ST6GALNAC6: variants seen among roughly 807,000 people sequenced by gnomAD.
The protein encoded by ST6GALNAC6 is alpha-N-acetylgalactosaminide alpha-2,6-sialyltransferase 6.
A neutral mutation model predicts 34.3 loss-of-function variants in ST6GALNAC6; 19 were observed. That is an observed-to-expected ratio of 0.55 (90% CI 0.39 to 0.81). The LOEUF (loss-of-function observed/expected upper bound fraction) is 0.81. Ranked by LOEUF, ST6GALNAC6 falls within the 40% of genes least tolerant of loss-of-function variation. The pLI, the probability that ST6GALNAC6 is intolerant of heterozygous loss-of-function variation, is 0.00. For synonymous variants in ST6GALNAC6, 185 were observed against 182.1 expected, an observed-to-expected ratio of 1.02 and a Z score of -0.13; for missense variants, 377 against 467.7, an observed-to-expected ratio of 0.81 and a Z score of 1.79.
chr9:127,889,669 T>C (rs1024934040), intron 5 of ST6GALNAC6, among the ~76,000 whole-genome samples: 6 of 151,952 alleles, frequency 3.9e-5, no homozygotes, highest in African/African-American at 1.5e-4. Flanking sequence ...GGTCTCAAAC[T>C]CCTGACCTCG....
exon 1 of ST6GALNAC6, chr9:127,905,238 A>G (rs1347487091): frequency 1.0e-6 from 1 of 985,382 alleles, no homozygotes; most frequent in African/African-American, 1.7e-5. Context: ...GCTGTGGCAA[A>G]AGCAGAGAGT....
Position 127,890,707 on chromosome 9 carries a change from C to A in ST6GALNAC6, c.634G>T (p.Ala212Ser). The change falls in exon 5 of 7, where the codon GCA (alanine) becomes TCA (serine). Residue 212 changes from alanine (A) to serine (S), a missense_variant. Coordinates refer to ENST00000373146, the MANE Select transcript of ST6GALNAC6 (RefSeq NM_013443.5). This position sits in a 1 kb window ranked among gnomAD's most constrained non-coding sequence, Gnocchi z 4.3. ...RAGLVFPNME[A>S]YAVSPGRMRQ... ...ATGCGGCCGGGAGAGACGGCATATG[C>A]TTCCATGTTGGGGAACACCAGGCCC... 6.2e-7 allele frequency: 1 copy of A among 1,613,730 alleles called. No homozygotes were observed. Among genetic ancestry groups the A allele is most frequent in the African/African-American group, 1.3e-5 (1 of 75,066 alleles).
rs1830614279 is a variant in ST6GALNAC6, at chr9:127,898,688, CAAA to C, written c.-29-681_-29-679del. On this transcript the variant is annotated intron_variant, in intron 1 of 6. Coordinates refer to ENST00000373146, the MANE Select transcript of ST6GALNAC6 (RefSeq NM_013443.5). ...ATAAGGAGACTGAGGTTCAGAGAGG[CAAA>C]GCGCCTTGCGGGGCCGCCCAGAGCC... is the stretch of plus-strand genomic sequence containing the variant. 2.6e-5 allele frequency among the ~76,000 whole-genome samples: 4 copies of C among 152,384 alleles called. No individual in the cohort carries two copies. In the South Asian group the frequency reaches 8.3e-4, roughly 32 times the overall value.
At position 127,886,563 on chromosome 9, in the gene ST6GALNAC6, C is replaced by G; in HGVS notation, c.*36G>C. 1 of 1,611,706 alleles carries G rather than the reference C, an allele frequency of 6.2e-7. No individual in the cohort carries two copies. Among genetic ancestry groups the G allele is most frequent in the Non-Finnish European group, 8.5e-7 (1 of 1,178,682 alleles). ...TAGCGGCTGGGCGGAGGCTGCTTCT[C>G]CTCTGACCCTCCTGAGGTCCCACAG... On this transcript the variant is annotated 3_prime_UTR_variant, in exon 7 of 7. Transcript: ENST00000373146.
In ST6GALNAC6 at chr9:127,886,738, C is replaced by T; in HGVS notation, c.863G>A (p.Gly288Glu). ...GATGTAGGTGACACATTCGTCCGGC[C>T]CCTTGGGCTCGTAGTAGTGGTAGGG... is the stretch of plus-strand genomic sequence containing the variant. ...RMPYHYYEPK[G>E]PDECVTYIQN... Residue 288 changes from glycine (G) to glutamate (E), a missense_variant, in exon 7 of 7, where the codon GGG becomes GAG. Physicochemically the swap from Gly to Glu is moderately conservative, Grantham distance 98. Coordinates refer to ENST00000373146, the MANE Select transcript of ST6GALNAC6 (RefSeq NM_013443.5). 2 of 1,613,406 alleles carry T rather than the reference C, an allele frequency of 1.2e-6. No homozygotes were observed. The highest frequency in any genetic ancestry group is 1.7e-6 in the Non-Finnish European group (2 of 1,179,500).
intron 2 of ST6GALNAC6, chr9:127,897,748 G>A (rs1220492717): frequency 2.7e-5 from 34 of 1,257,588 alleles, no homozygotes; most frequent in Non-Finnish European, 3.6e-5. Context: ...AGGCGCCCAG[G>A]GGTCCAGCCG....
chr9:127,904,432 G>C (rs1312861902), upstream of ST6GALNAC6: 1 of 152,228 alleles, frequency 6.6e-6, no homozygotes, highest in Non-Finnish European at 1.5e-5. Context: ...GGGTAGGAGA[G>C]GCCCGTGTAT....
chr9:127,896,468 G>A (rs1830461484), intron 2 of ST6GALNAC6, 136 bp from the exon 3 acceptor site: 2 of 731,668 alleles, frequency 2.7e-6, no homozygotes, highest in Non-Finnish European at 4.3e-6. Flanking sequence ...CCCTTTTGCA[G>A]ACGGAGACAC....
chr9:127,896,344 C>A lies in ST6GALNAC6; in HGVS notation c.27-12G>T. ...ATGTGGGTTCACACCTGCAAGCCAC[C>A]AGAAAGGGTTATTATGGCTTCGGTC... On this transcript the variant is annotated splice_polypyrimidine_tract_variant and intron_variant, in intron 2 of 6. Transcript: ENST00000373146. The A allele has an allele frequency of 6.2e-7, 1 of 1,605,272 alleles. No homozygotes were observed. The highest frequency in any genetic ancestry group is 8.5e-7 in the Non-Finnish European group (1 of 1,175,552).
chr9:127,894,811 A>G, intron 3 of ST6GALNAC6, 120 bp from the exon 4 acceptor site: 2 of 1,142,722 alleles, frequency 1.8e-6, no homozygotes, highest in East Asian at 2.4e-5. Flanking sequence ...GTCAGGCACT[A>G]CTTCCTCCAG....
chr9:127,897,766 C>G, intron 2 of ST6GALNAC6, 190 bp downstream of exon 2: 3 of 1,403,642 alleles, frequency 2.1e-6, no homozygotes, highest in Non-Finnish European at 2.8e-6. Flanking sequence ...CCGCCTATAT[C>G]TTACTACGCG....
chr9:127,891,577 C>T (rs1034059420), intron 4 of ST6GALNAC6, among the ~76,000 whole-genome samples: 1 of 149,866 alleles, frequency 6.7e-6, no homozygotes, highest in Admixed American at 6.7e-5. Flanking sequence ...GATCGTGCCA[C>T]TGCATTCAAG....
At chr9:127,901,418 C>T (rs562825800), upstream of ST6GALNAC6, among the ~76,000 whole-genome samples, 2 of 150,446 alleles carry the variant, frequency 1.3e-5, no homozygotes, top group Admixed American at 6.6e-5. Flanking sequence ...GGTGAAACCC[C>T]GTCTCTACTA....
chr9:127,896,803 C>A (rs767942589), intron 2 of ST6GALNAC6: 18 of 953,798 alleles, frequency 1.9e-5, no homozygotes, highest in Middle Eastern at 1.1e-3. Context: ...ATCCTCCAAG[C>A]CTGGCATGGA....
At chr9:127,899,327 A>T in intron 1 of ST6GALNAC6, 176 bp downstream of exon 1, 1 of 220,546 alleles carries the variant, frequency 4.5e-6, no homozygotes, top group Non-Finnish European at 7.7e-6. Context: ...CCTGGGCGCG[A>T]GGACCGGAAC....
At chr9:127,896,773 T>C in intron 2 of ST6GALNAC6, 1 of 800,174 alleles carries the variant, frequency 1.2e-6, no homozygotes, top group Non-Finnish European at 1.5e-6. Context: ...CTCCCTCCTA[T>C]GGCCTCCTGA....
chr9:127,905,310 G>A (rs764275064), exon 1 of ST6GALNAC6: 27 of 985,424 alleles, frequency 2.7e-5, no homozygotes, highest in Non-Finnish European at 3.3e-5. Flanking sequence ...GACCTGTCAA[G>A]GATCATCTCC....
upstream of ST6GALNAC6, chr9:127,899,681 GGCCGCGGGTGGCTCCGCCCACGGGC>G (rs1588661693): frequency 7.1e-6 from 7 of 983,888 alleles, no homozygotes; most frequent in East Asian, 3.4e-4. Context: ...GGAGCCTCGG[GGCCGCGGGTGGCTCCGCCCACGGGC>G]GGCGCGGGCG....
intron 2 of ST6GALNAC6, chr9:127,896,941 G>C (rs1457673484): frequency 1.0e-6 from 1 of 985,158 alleles, no homozygotes; most frequent in Admixed American, 6.1e-5. Flanking sequence ...ATCGCTGAAT[G>C]AATTAGTGCA....
Sources: allele counts gnomAD v4.1 joint callset (sites outside exome capture counted in the v4.1 genomes callset), GRCh38; gene constraint gnomAD v4.1.1; non-coding constraint Gnocchi (gnomAD v3.1); transcripts MANE v1.5; gene names NCBI Gene and HGNC (gene_info 2026-07-23, HGNC 2026-07-21).